DDX39A: variants seen among roughly 807,000 people sequenced by gnomAD.
The protein encoded by DDX39A is ATP-dependent RNA helicase DDX39A.
A neutral mutation model predicts 46.3 loss-of-function variants in DDX39A; 13 were observed. That is an observed-to-expected ratio of 0.28 (90% CI 0.18 to 0.45). DDX39A has a LOEUF of 0.45. Among genes scored for constraint, DDX39A ranks in the 20% least tolerant of loss-of-function variants. DDX39A has a pLI of 1.00. For synonymous variants in DDX39A, 234 were observed against 224.6 expected (o/e 1.04, Z -0.38); for missense variants, 352 against 581.8 (o/e 0.61, Z 4.06).
chr19:14,417,014 G>A (rs893870046), intron 1 of DDX39A, among the ~76,000 whole-genome samples: 11 of 152,120 alleles, frequency 7.2e-5, no homozygotes, highest in Non-Finnish European at 1.5e-4. Context: ...TAAGCAATAG[G>A]GAACTGCTAA....
Position 14,411,584 on chromosome 19 carries a change from G to A in DDX39A, c.351C>T (p.Val117=), listed in dbSNP as rs1376078252. 6.2e-7 allele frequency: 1 copy of A among 1,612,750 alleles called. No individual in the cohort carries two copies. Among genetic ancestry groups the A allele is most frequent in the Admixed American group, 1.7e-5 (1 of 59,718 alleles). The stretch of plus-strand genomic sequence containing the variant: ...AGGCCAGCTCCCTCGTGTGGCACAT[G>A]ACCAGGACCGTCACCTGGGAAGTGG... ...EPVNGQVTVL[V]MCHTRELAFQ... The change falls in exon 4 of 11, where the codon GTC becomes GTT. Residue 117 remains valine (V), a synonymous_variant. Transcript: ENST00000242776. The surrounding 1 kb of genome is among the most constrained non-coding windows in gnomAD (Gnocchi z 4.1).
intron 1 of DDX39A, among the ~76,000 whole-genome samples, chr19:14,413,656 T>C (rs1322960560): frequency 6.6e-6 from 1 of 152,046 alleles, no homozygotes; most frequent in Non-Finnish European, 1.5e-5. Context: ...AATGCCTCCT[T>C]CTCCACACGC....
intron 1 of DDX39A, among the ~76,000 whole-genome samples, chr19:14,418,137 A>T (rs1976890045): frequency 6.6e-6 from 1 of 151,412 alleles, no homozygotes; most frequent in Admixed American, 6.6e-5. Context: ...AAAAAAAAAA[A>T]AAAAAAAAGA....
At position 14,412,744 on chromosome 19, in the gene DDX39A, T is replaced by G; in HGVS notation, c.209-66A>C. On this transcript the variant is annotated intron_variant, in intron 2 of 10. Transcript: ENST00000242776. The surrounding 1 kb of genome is among the most constrained non-coding windows in gnomAD (Gnocchi z 4.4). Reference sequence around the variant, plus strand: ...CACCCCCGTGCAGGATCCTCACCAGTTGACCGGGGGCCCACAGTGAGGGCA... The same window carrying G: ...CACCCCCGTGCAGGATCCTCACCAGGTGACCGGGGGCCCACAGTGAGGGCA... 12 of 1,542,910 alleles carry G rather than the reference T, an allele frequency of 7.8e-6. No individual in the cohort carries two copies. The highest frequency in any genetic ancestry group is 1.0e-5 in the Non-Finnish European group (12 of 1,148,468).
In DDX39A at chr19:14,410,911, A is replaced by G; in HGVS notation, c.613+78T>C. The stretch of plus-strand genomic sequence containing the variant: ...CGCCTGCCGGCCGCCCATGTAACCC[A>G]CTCAAGAGCCTTCCGCCTGCTATGG... On this transcript the variant is annotated intron_variant, in intron 5 of 10. Coordinates refer to ENST00000242776, the MANE Select transcript of DDX39A (RefSeq NM_005804.4). The surrounding 1 kb of genome is among the most constrained non-coding windows in gnomAD (Gnocchi z 4.3). 7.3e-7 allele frequency: 1 copy of G among 1,375,536 alleles called. No homozygotes were observed. Among genetic ancestry groups the G allele is most frequent in the Non-Finnish European group, 9.7e-7 (1 of 1,034,876 alleles). The allele number at this position is 1,375,536 out of a possible 1,614,324, so 85.2% of individuals were successfully genotyped here.
rs375885508 is a variant in DDX39A at position 14,411,538 on chromosome 19, C to T, written c.397G>A (p.Glu133Lys). 10 of 1,614,060 alleles carry T rather than the reference C, an allele frequency of 6.2e-6. No individual in the cohort carries two copies. The highest frequency in any genetic ancestry group is 8.5e-6 in the Non-Finnish European group (10 of 1,180,026). The change falls in exon 4 of 11, where the codon GAG becomes AAG. Residue 133 changes from glutamate to lysine, a missense_variant. By Grantham distance (56) the Glu-to-Lys change is moderately conservative. Around this residue, in one of 3 missense-constraint regions of DDX39A, gnomAD observed 301 missense variants for 469.9 expected, o/e 0.64. Transcript: ENST00000242776. This position sits in a 1 kb window ranked among gnomAD's most constrained non-coding sequence, Gnocchi z 4.1. ...ELAFQISKEY[E>K]RFSKYMPSVK... ...CTGGGCATGTACTTGGAAAAGCGCT[C>T]ATATTCCTTGCTGATCTGGAAGGCC...
At position 14,412,638 on chromosome 19, in the gene DDX39A, G is replaced by A. The variant is rs1191421373; in HGVS notation, c.249C>T (p.Asp83=). Residue 83 remains aspartate, a synonymous_variant, in exon 3 of 11, where the codon GAC becomes GAT. Transcript: ENST00000242776. This position sits in a 1 kb window ranked among gnomAD's most constrained non-coding sequence, Gnocchi z 4.4. ...ECIPQAILGM[D]VLCQAKSGMG... ...TCCCGGACTTGGCCTGGCACAGGAC[G>A]TCCATGCCCAGGATGGCCTGGGGAA... 6.8e-6 allele frequency: 11 copies of A among 1,609,808 alleles called. No individual in the cohort carries two copies. The highest frequency in any genetic ancestry group is 3.3e-5 in the Admixed American group (2 of 59,996).
In DDX39A at chr19:14,410,994, T is replaced by C; in HGVS notation, c.608A>G (p.Gln203Arg). The change falls in exon 5 of 11, where the codon CAG (glutamine) becomes CGG (arginine). Residue 203 changes from glutamine to arginine, a missense_variant. This residue lies in a region of DDX39A where 301 missense variants were observed against 469.9 expected (regional missense o/e 0.64). Transcript: ENST00000242776. The surrounding 1 kb of genome is among the most constrained non-coding windows in gnomAD (Gnocchi z 4.3). ...TGCAAGGGCAGAGGACTCACCCAGCTGCTCCAGCATCTTGTCACACTCGTC... is the reference window on the plus strand; with the variant it reads ...TGCAAGGGCAGAGGACTCACCCAGCCGCTCCAGCATCTTGTCACACTCGTC... Reference protein sequence around the residue: ...VLDECDKMLEQLDMRRDVQEI... With the variant: ...VLDECDKMLERLDMRRDVQEI... 1 of 1,572,466 alleles carries C rather than the reference T, an allele frequency of 6.4e-7. No homozygotes were observed. The highest frequency in any genetic ancestry group is 8.6e-7 in the Non-Finnish European group (1 of 1,156,564).
At chr19:14,416,774 C>A (rs2146395173) in intron 1 of DDX39A, among the ~76,000 whole-genome samples, 1 of 152,300 alleles carries the variant, frequency 6.6e-6, no homozygotes, top group Non-Finnish European at 1.5e-5. Flanking sequence ...GGAGCCTCGA[C>A]CTCCCAGGCC....
intron 1 of DDX39A, among the ~76,000 whole-genome samples, chr19:14,418,411 G>A (rs1390061485): frequency 2.0e-5 from 3 of 152,142 alleles, no homozygotes; most frequent in African/African-American, 7.2e-5. Context: ...TTCCACCCCG[G>A]AGTTTATTCC....
chr19:14,410,535 G>A lies in DDX39A; in HGVS notation c.614-201C>T, dbSNP rs1175334701. The A allele has an allele frequency of 6.7e-6, 4 of 596,480 alleles. No individual in the cohort carries two copies. The highest frequency in any genetic ancestry group is 2.9e-5 in the East Asian group (1 of 35,038). 36.9% of individuals were successfully genotyped at this position (596,480 alleles called of 1,614,324 possible). A position where few individuals can be genotyped will look rare whatever the true frequency, so the allele number is the denominator to read the frequency against. ...AGCGAGCGCAGGCGCGGGAGGAGCTGCAATCCACTTACACGCTGGCGCGGA... is the reference window on the plus strand; with the variant it reads ...AGCGAGCGCAGGCGCGGGAGGAGCTACAATCCACTTACACGCTGGCGCGGA... On this transcript the variant is annotated intron_variant, in intron 5 of 10. Transcript: ENST00000242776. This position sits in a 1 kb window ranked among gnomAD's most constrained non-coding sequence, Gnocchi z 4.3.
chr19:14,413,349 C>T (rs995171005), intron 1 of DDX39A, 125 bp from the exon 2 acceptor site: 3 of 837,268 alleles, frequency 3.6e-6, no homozygotes, highest in African/African-American at 3.4e-5. Flanking sequence ...GGCTGCACCT[C>T]GCAGCTTCGC....
At position 14,412,791 on chromosome 19, in the gene DDX39A, A is replaced by G. The variant is rs1568328036; in HGVS notation, c.209-113T>C. 7.0e-7 allele frequency: 1 copy of G among 1,437,106 alleles called. No homozygotes were observed. Among genetic ancestry groups the G allele is most frequent in the Admixed American group, 2.1e-5 (1 of 47,488 alleles). The allele number at this position is 1,437,106 out of a possible 1,614,324, so 89.0% of individuals were successfully genotyped here. On this transcript the variant is annotated intron_variant, in intron 2 of 10. Transcript: ENST00000242776. This position sits in a 1 kb window ranked among gnomAD's most constrained non-coding sequence, Gnocchi z 4.4. Reference sequence around the variant, plus strand: ...GGCAATCAGAAGAGGCCGAGTCCGGACAAGGCCACAGACACCTGCAGGGCT... The same window carrying G: ...GGCAATCAGAAGAGGCCGAGTCCGGGCAAGGCCACAGACACCTGCAGGGCT...
chr19:14,411,019 C>A lies in DDX39A; in HGVS notation c.583G>T (p.Asp195Tyr). The change falls in exon 5 of 11, where the codon GAC becomes TAC. Residue 195 changes from aspartate (D) to tyrosine (Y), a missense_variant. Asp to Tyr is a radical substitution (Grantham distance 160). This residue lies in a region of DDX39A where 301 missense variants were observed against 469.9 expected (regional missense o/e 0.64). Coordinates refer to ENST00000242776, the MANE Select transcript of DDX39A (RefSeq NM_005804.4). The surrounding 1 kb of genome is among the most constrained non-coding windows in gnomAD (Gnocchi z 4.1). ...TGCTCCAGCATCTTGTCACACTCGT[C>A]CAGCACAAAGTGCTTCACATTCTTT... ...SLKNVKHFVL[D>Y]ECDKMLEQLD... 1 of 1,601,690 alleles carries A rather than the reference C, an allele frequency of 6.2e-7. No homozygotes were observed. The highest frequency in any genetic ancestry group is 1.1e-5 in the South Asian group (1 of 89,702).
rs1164325618 is a variant in DDX39A at position 14,409,716 on chromosome 19, C to G, written c.864+26G>C. The G allele has an allele frequency of 6.2e-7, 1 of 1,613,552 alleles. No individual in the cohort carries two copies. Among genetic ancestry groups the G allele is most frequent in the Non-Finnish European group, 8.5e-7 (1 of 1,179,636 alleles). Reference sequence around the variant, plus strand: ...AGTGACCTCCCGAAGGTCCTGAGCCCCAGGACAGGCTGATGGAAGTATCAC... The same window carrying G: ...AGTGACCTCCCGAAGGTCCTGAGCCGCAGGACAGGCTGATGGAAGTATCAC... On this transcript the variant is annotated intron_variant, in intron 7 of 10. Transcript: ENST00000242776. This position sits in a 1 kb window ranked among gnomAD's most constrained non-coding sequence, Gnocchi z 8.3.
chr19:14,416,535 C>A (rs970770810), intron 1 of DDX39A: 1 of 152,334 alleles, frequency 6.6e-6, no homozygotes, highest in Non-Finnish European at 1.5e-5. Flanking sequence ...GGGGTCACTT[C>A]CCAGGCAGCA....
chr19:14,417,692 G>A (rs1205797232), intron 1 of DDX39A, among the ~76,000 whole-genome samples: 1 of 151,990 alleles, frequency 6.6e-6, no homozygotes, highest in Non-Finnish European at 1.5e-5. Context: ...AAATAAATAA[G>A]TAGAAATTAA....
intron 1 of DDX39A, among the ~76,000 whole-genome samples, chr19:14,414,687 G>A (rs149340831): frequency 0.011 from 1,595 of 150,104 alleles, 36 homozygotes; most frequent in African/African-American, 0.037. Flanking sequence ...TACAGGCTGC[G>A]CGCGGTGGCT....
At chr19:14,414,809 C>G (rs1221148974) in intron 1 of DDX39A, among the ~76,000 whole-genome samples, 4 of 150,564 alleles carry the variant, frequency 2.7e-5, no homozygotes, top group African/African-American at 9.7e-5. Context: ...ACTAAAAATA[C>G]AAAAATTTAG....
Sources: allele counts gnomAD v4.1 joint callset (sites outside exome capture counted in the v4.1 genomes callset), GRCh38; gene constraint gnomAD v4.1.1; regional missense constraint gnomAD v4.1.1; non-coding constraint Gnocchi (gnomAD v3.1); transcripts MANE v1.5; gene names NCBI Gene and HGNC (gene_info 2026-07-23, HGNC 2026-07-21).